Variants in SLC5A4 observed in about 807,000 individuals in gnomAD.
SLC5A4 encodes the protein probable glucose sensor protein SLC5A4.
SLC5A4 carries 55 observed loss-of-function variants against 70.3 expected under a neutral mutation model. The ratio of observed to expected loss-of-function variants is 0.78; its 90% CI spans 0.63 to 0.98. SLC5A4 has a LOEUF of 0.98. Ranked by LOEUF, SLC5A4 falls within the 50% of genes least tolerant of loss-of-function variation. The pLI is 0.00. For missense variants in SLC5A4, 735 were observed against 839.2 expected (o/e 0.88, Z 1.53); for synonymous variants, 268 against 305.7 (o/e 0.88, Z 1.29).
At chr22:32,224,089 T>C (rs909001507) in intron 13 of SLC5A4, among the ~76,000 whole-genome samples, 178 bp downstream of exon 13, 2 of 152,004 alleles carry the variant, frequency 1.3e-5, no homozygotes, top group African/African-American at 4.8e-5. Context: ...CCCAGCTAAT[T>C]TTTTGTATTT....
At chr22:32,248,859 C>T (rs1926983334) in intron 3 of SLC5A4, 57 bp from the exon 4 acceptor site, 1 of 1,177,640 alleles carries the variant, frequency 8.5e-7, no homozygotes, top group Non-Finnish European at 1.3e-6. Context: ...GCTTGTGGAC[C>T]TTCTCCTTCT....
At chr22:32,229,922 A>T (rs1231780696) in intron 10 of SLC5A4, among the ~76,000 whole-genome samples, 1 of 152,216 alleles carries the variant, frequency 6.6e-6, no homozygotes, top group Non-Finnish European at 1.5e-5. Context: ...AGAGGAAACA[A>T]CATCACACCA....
chr22:32,289,890 G>A, the SLC5A4 span, among the ~76,000 whole-genome samples: 1 of 152,126 alleles, frequency 6.6e-6, no homozygotes, highest in Non-Finnish European at 1.5e-5. Context: ...TCAGGTTTTA[G>A]TATCAGGGTA....
the SLC5A4 span, among the ~76,000 whole-genome samples, chr22:32,310,325 A>G: frequency 5.3e-5 from 8 of 152,234 alleles, no homozygotes; most frequent in South Asian, 1.7e-3. Flanking sequence ...TGATGGGGAA[A>G]CTGAGGGAAC....
chr22:32,291,855 T>C, the SLC5A4 span, among the ~76,000 whole-genome samples: 1 of 105,240 alleles, frequency 9.5e-6, no homozygotes, highest in Non-Finnish European at 2.0e-5. Flanking sequence ...TATGTATATA[T>C]ATAATTTATT....
the SLC5A4 span, among the ~76,000 whole-genome samples, chr22:32,320,556 C>T: frequency 2.3e-4 from 35 of 152,202 alleles, no homozygotes; most frequent in African/African-American, 8.4e-4. Flanking sequence ...TCAGCCACCT[C>T]CCATGCTCTG....
the SLC5A4 span, among the ~76,000 whole-genome samples, chr22:32,336,882 G>A: frequency 6.6e-6 from 1 of 152,230 alleles, no homozygotes; most frequent in Admixed American, 6.5e-5. Context: ...AACTTAACAC[G>A]CGGCATGGCC....
chr22:32,336,457 T>A, the SLC5A4 span, among the ~76,000 whole-genome samples: 1 of 152,218 alleles, frequency 6.6e-6, no homozygotes, highest in African/African-American at 2.4e-5. Flanking sequence ...ACTGGCTGGG[T>A]GGAGCCACGC....
the SLC5A4 span, among the ~76,000 whole-genome samples, chr22:32,291,807 T>G: frequency 6.7e-6 from 1 of 150,152 alleles, no homozygotes; most frequent in East Asian, 1.9e-4. Flanking sequence ...GTATGGAAAT[T>G]TTTATATTTT....
At chr22:32,337,917 C>T in the SLC5A4 span, among the ~76,000 whole-genome samples, 32,658 of 152,092 alleles carry the variant, frequency 0.21, 3,968 homozygotes, top group East Asian at 0.48. Flanking sequence ...TACCTCTGTT[C>T]AATACAATGT....
the SLC5A4 span, among the ~76,000 whole-genome samples, chr22:32,312,145 T>C: frequency 6.6e-6 from 1 of 152,102 alleles, no homozygotes; most frequent in Non-Finnish European, 1.5e-5. Flanking sequence ...GAATGAATTC[T>C]GTAAGAACCA....
chr22:32,326,081 G>A, the SLC5A4 span, among the ~76,000 whole-genome samples: 1 of 152,234 alleles, frequency 6.6e-6, no homozygotes, highest in Non-Finnish European at 1.5e-5. Flanking sequence ...GAATAACAAT[G>A]AAAGCTTCCA....
chr22:32,351,472 G>A, the SLC5A4 span, among the ~76,000 whole-genome samples: 2 of 151,764 alleles, frequency 1.3e-5, no homozygotes, highest in African/African-American at 4.8e-5. Flanking sequence ...GAGAGGCTGA[G>A]ATGGGAAGAT....
At chr22:32,266,248 G>C in the SLC5A4 span, among the ~76,000 whole-genome samples, 3 of 152,152 alleles carry the variant, frequency 2.0e-5, no homozygotes, top group Non-Finnish European at 2.9e-5. Context: ...GTGGTTATGA[G>C]ATGCCAGGGG....
At chr22:32,354,329 G>A in the SLC5A4 span, among the ~76,000 whole-genome samples, 4 of 150,276 alleles carry the variant, frequency 2.7e-5, no homozygotes, top group African/African-American at 9.8e-5. Context: ...CCTGTAATGA[G>A]CCTAACCCGT....
the SLC5A4 span, among the ~76,000 whole-genome samples, chr22:32,316,125 A>G: frequency 6.9e-6 from 1 of 145,956 alleles, no homozygotes; most frequent in Non-Finnish European, 1.5e-5. Context: ...AAAAAAAAAA[A>G]GGGCAGATGA....
the SLC5A4 span, among the ~76,000 whole-genome samples, chr22:32,334,126 T>C: frequency 1.5e-5 from 2 of 133,244 alleles, no homozygotes; most frequent in Admixed American, 1.5e-4. Context: ...AATATACATA[T>C]ACACACCATG....
the SLC5A4 span, among the ~76,000 whole-genome samples, chr22:32,351,182 G>C: frequency 1.3e-5 from 2 of 152,072 alleles, no homozygotes; most frequent in South Asian, 2.1e-4. Flanking sequence ...TCATACACTG[G>C]AACTTATTAC....
At chr22:32,352,278 G>T in the SLC5A4 span, among the ~76,000 whole-genome samples, 3 of 140,108 alleles carry the variant, frequency 2.1e-5, no homozygotes, top group South Asian at 7.8e-4. Flanking sequence ...TGGGATGGGG[G>T]GAGGGGGGAG....
Sources: allele counts gnomAD v4.1 joint callset (sites outside exome capture counted in the v4.1 genomes callset), GRCh38; gene constraint gnomAD v4.1.1; transcripts MANE v1.5; gene names NCBI Gene and HGNC (gene_info 2026-07-23, HGNC 2026-07-21).